Variants in MCM6 observed in about 807,000 individuals in gnomAD.
The protein encoded by MCM6 is DNA replication licensing factor MCM6.
MCM6 carries 46 observed loss-of-function variants against 94.3 expected under a neutral mutation model. That is an observed-to-expected ratio of 0.49 (90% CI 0.39 to 0.62). The LOEUF (loss-of-function observed/expected upper bound fraction) is 0.62. Among genes scored for constraint, MCM6 ranks in the 20% least tolerant of loss-of-function variants. The probability of loss-of-function intolerance (pLI) is 0.00; values close to 1 mark genes in which losing one functional copy is unlikely to be tolerated. For synonymous variants in MCM6, 335 were observed against 351.9 expected (o/e 0.95, Z 0.54); for missense variants, 865 against 1,017.9 (o/e 0.85, Z 2.04).
rs760979288 is a variant in MCM6 at position 135,866,701 on chromosome 2, G to C, written c.643C>G (p.Leu215Val). The change falls in exon 5 of 17, where the codon CTT becomes GTT. Residue 215 changes from leucine to valine, a missense_variant. Leu to Val is a conservative substitution (Grantham distance 32). Transcript: ENST00000264156. ...CTGCGGGGGATACTCCCTCGAGGAA[G>C]CTCAGCTTGGGTCTCTTGAATACGA... ...KVRIQETQAE[L>V]PRGSIPRSLE... 5 of 1,612,272 alleles carry C rather than the reference G, an allele frequency of 3.1e-6. No individual in the cohort carries two copies. The highest frequency in any genetic ancestry group is 4.2e-6 in the Non-Finnish European group (5 of 1,179,360).
In MCM6 at chr2:135,844,727, C is replaced by CTG. The variant is rs780140976; in HGVS notation, c.2210-45_2210-44dup. On this transcript the variant is annotated intron_variant, in intron 15 of 16. Transcript: ENST00000264156. ...ATTCAAATTATCCTAGCAACTCGTA[C>CTG]TGTCAGTCCTTGGGTAAATCTCTGC... The CTG allele has an allele frequency of 9.4e-6, 14 of 1,489,366 alleles. No homozygotes were observed. In the South Asian group the frequency reaches 2.1e-4, roughly 22 times the overall value. The allele number at this position is 1,489,366 out of a possible 1,614,324, so 92.3% of individuals were successfully genotyped here. A position where few individuals can be genotyped will look rare whatever the true frequency, so the allele number is the denominator to read the frequency against.
intron 4 of MCM6, among the ~76,000 whole-genome samples, chr2:135,868,379 T>TAC (rs1247506434): frequency 6.6e-6 from 1 of 152,242 alleles, no homozygotes; most frequent in Admixed American, 6.5e-5. Context: ...CTTTGACAAA[T>TAC]ACATCTTGTC....
At chr2:135,846,771 A>G (rs1318695116) in intron 14 of MCM6, among the ~76,000 whole-genome samples, 2 of 152,194 alleles carry the variant, frequency 1.3e-5, no homozygotes. Context: ...TGCAAGGCCA[A>G]GGGAAGCACA....
intron 1 of MCM6, among the ~76,000 whole-genome samples, chr2:135,874,343 G>A (rs1415135743): frequency 6.6e-6 from 1 of 152,208 alleles, no homozygotes; most frequent in Non-Finnish European, 1.5e-5. Context: ...AAGGAAGAAA[G>A]GATTAGTGCC....
chr2:135,861,789 T>C (rs1679997355), intron 8 of MCM6, among the ~76,000 whole-genome samples: 1 of 152,168 alleles, frequency 6.6e-6, no homozygotes, highest in Non-Finnish European at 1.5e-5. Flanking sequence ...GCTAATTTTT[T>C]GTATTTTTAG....
At chr2:135,858,379 C>T (rs960610095) in intron 9 of MCM6, among the ~76,000 whole-genome samples, 1 of 152,010 alleles carries the variant, frequency 6.6e-6, no homozygotes, top group Non-Finnish European at 1.5e-5. Context: ...CCCAGATACT[C>T]GGGAGGCTGA....
chr2:135,861,513 T>A (rs984007077), intron 8 of MCM6, among the ~76,000 whole-genome samples: 1 of 152,248 alleles, frequency 6.6e-6, no homozygotes, highest in African/African-American at 2.4e-5. Context: ...TAATCAAATA[T>A]TTATTATAGC....
chr2:135,861,427 A>G (rs1228304781), intron 8 of MCM6, among the ~76,000 whole-genome samples: 1 of 152,204 alleles, frequency 6.6e-6, no homozygotes, highest in Non-Finnish European at 1.5e-5. Context: ...ACACATATAC[A>G]GCACTGAGAA....
intron 9 of MCM6, among the ~76,000 whole-genome samples, chr2:135,858,210 C>T (rs565900967): frequency 1.3e-4 from 20 of 152,018 alleles, no homozygotes; most frequent in Middle Eastern, 3.4e-3. Flanking sequence ...CAACAACGGC[C>T]GAGTGTGGGG....
At position 135,848,207 on chromosome 2, in the gene MCM6, A is replaced by C. The variant is rs1489677041; in HGVS notation, c.1918-19T>G. ...GTTGGACCTAAACCAATAATGATGA[A>C]GTAATTAAGCTACTTTTTTTGATAT... is the stretch of plus-strand genomic sequence containing the variant. On this transcript the variant is annotated intron_variant, in intron 13 of 16. Transcript: ENST00000264156. 6.3e-7 allele frequency: 1 copy of C among 1,579,012 alleles called. No individual in the cohort carries two copies.
At chr2:135,857,677 G>A (rs1218575838) in intron 10 of MCM6, among the ~76,000 whole-genome samples, 2 of 152,044 alleles carry the variant, frequency 1.3e-5, no homozygotes, top group East Asian at 3.9e-4. Context: ...TAAAAGCTTT[G>A]TTCATGGACA....
At chr2:135,842,647 C>A (rs1679596258) in intron 16 of MCM6, among the ~76,000 whole-genome samples, 1 of 152,194 alleles carries the variant, frequency 6.6e-6, no homozygotes, top group Non-Finnish European at 1.5e-5. Flanking sequence ...CAGAAGGCTA[C>A]TATTTTGGCA....
chr2:135,861,381 C>T (rs1249923212), intron 8 of MCM6, among the ~76,000 whole-genome samples: 2 of 152,064 alleles, frequency 1.3e-5, no homozygotes, highest in Admixed American at 6.6e-5. Context: ...GGGAATAATA[C>T]ACATGCCTGT....
At chr2:135,842,253 A>C (rs780922483) in intron 16 of MCM6, among the ~76,000 whole-genome samples, 7 of 152,184 alleles carry the variant, frequency 4.6e-5, no homozygotes, top group Admixed American at 3.9e-4. Context: ...ATGTCCCACC[A>C]CTAGAAAAGC....
chr2:135,846,474 C>A (rs1243837919), intron 14 of MCM6, 82 bp from the exon 15 acceptor site: 2 of 1,045,616 alleles, frequency 1.9e-6, no homozygotes, highest in Non-Finnish European at 2.9e-6. Context: ...ACACTACTTA[C>A]ATTTAATACT....
intron 5 of MCM6, 91 bp downstream of exon 5, chr2:135,866,472 C>A: frequency 6.8e-7 from 1 of 1,469,796 alleles, no homozygotes; most frequent in Non-Finnish European, 9.2e-7. Flanking sequence ...TGATTGGTAG[C>A]CAAAAAGAAG....
intron 1 of MCM6, among the ~76,000 whole-genome samples, chr2:135,875,076 GA>G (rs988250415): frequency 1.3e-5 from 2 of 152,168 alleles, no homozygotes; most frequent in Admixed American, 6.5e-5. Flanking sequence ...TTTGGAAGAT[GA>G]AAAGAGTTTG....
rs1679921313 is a variant in MCM6 at position 135,857,878 on chromosome 2, AG to A, written c.1470+18del. 1 of 1,594,580 alleles carries A rather than the reference AG, an allele frequency of 6.3e-7. No individual in the cohort carries two copies. Among genetic ancestry groups the A allele is most frequent in the Admixed American group, 1.7e-5 (1 of 59,992 alleles). On this transcript the variant is annotated intron_variant, in intron 10 of 16. Transcript: ENST00000264156. ...AAGGCTATGGACGATGCAGCAGAAC[AG>A]AAGTAGATAACACATACCTTCACTC...
rs554884605 is a variant in MCM6, at chr2:135,843,744, A to C, written c.2349+801T>G. ...AAACTCTGTCTCAAAAAAAAAAAAA[A>C]AAAACAAAACCATTCAGGGAAAGAG... On this transcript the variant is annotated intron_variant, in intron 16 of 16. Coordinates refer to ENST00000264156, the MANE Select transcript of MCM6 (RefSeq NM_005915.6). 6.1e-4 allele frequency among the ~76,000 whole-genome samples: 93 copies of C among 151,914 alleles called. No individual in the cohort carries two copies. The East Asian group carries it at 7.8e-3, about 13-fold the overall frequency.
Sources: gnomAD v4.1 joint callset for allele counts (sites outside exome capture counted in the v4.1 genomes callset) on GRCh38, gnomAD v4.1.1 for gene constraint, MANE v1.5 for transcripts, NCBI Gene and HGNC (gene_info 2026-07-23, HGNC 2026-07-21) for gene names.